Variants in CA10 observed in about 807,000 individuals in gnomAD.
CA10 encodes carbonic anhydrase-related protein 10.
A neutral mutation model predicts 44.2 loss-of-function variants in CA10; 14 were observed. The ratio of observed to expected loss-of-function variants is 0.32; its 90% confidence interval spans 0.21 to 0.50. The LOEUF (loss-of-function observed/expected upper bound fraction) is 0.50. CA10 is among the 20% of genes least tolerant of loss of function. CA10 has a pLI of 0.99. For synonymous variants in CA10, 159 were observed against 141.6 expected, an observed-to-expected ratio of 1.12 and a Z score of -0.87; for missense variants, 350 against 409.7, an observed-to-expected ratio of 0.85 and a Z score of 1.26.
At chr17:51,886,926 C>T (rs1270568601) in intron 3 of CA10, among the ~76,000 whole-genome samples, 1 of 151,846 alleles carries the variant, frequency 6.6e-6, no homozygotes, top group Non-Finnish European at 1.5e-5. Flanking sequence ...CACCCTGCTC[C>T]ATTCTCACGC....
At chr17:51,912,324 T>A (rs891377678) in intron 3 of CA10, among the ~76,000 whole-genome samples, 5 of 152,140 alleles carry the variant, frequency 3.3e-5, no homozygotes, top group African/African-American at 4.8e-5. Context: ...TTTTAAAATA[T>A]TAGCTCCAGT....
At chr17:52,141,576 A>T (rs1406634091) in intron 1 of CA10, among the ~76,000 whole-genome samples, 3 of 152,164 alleles carry the variant, frequency 2.0e-5, no homozygotes, top group Non-Finnish European at 4.4e-5. Context: ...GCAACTACTC[A>T]ATGCTGCTGC....
At chr17:51,657,406 C>A (rs1913835385) in intron 4 of CA10, among the ~76,000 whole-genome samples, 1 of 152,176 alleles carries the variant, frequency 6.6e-6, no homozygotes, top group Admixed American at 6.5e-5. Flanking sequence ...TGCCTTTGCT[C>A]TTCCCTAGCC....
intron 3 of CA10, among the ~76,000 whole-genome samples, chr17:51,819,034 T>C (rs1352354902): frequency 1.3e-5 from 2 of 152,080 alleles, no homozygotes; most frequent in African/African-American, 2.4e-5. Flanking sequence ...TGATGTATCA[T>C]CCTGAGGTCC....
intron 2 of CA10, among the ~76,000 whole-genome samples, chr17:51,966,865 G>A (rs1984096936): frequency 6.6e-6 from 1 of 151,706 alleles, no homozygotes. Context: ...TTGGCAAGCA[G>A]GACCTAATTA....
intron 1 of CA10, among the ~76,000 whole-genome samples, chr17:52,153,357 C>A (rs1372519388): frequency 6.6e-6 from 1 of 152,062 alleles, no homozygotes; most frequent in Non-Finnish European, 1.5e-5. Context: ...CTATTTCAAG[C>A]CATATTGAAA....
chr17:51,833,795 T>TCACA (rs1908373202), intron 3 of CA10, among the ~76,000 whole-genome samples: 1 of 152,240 alleles, frequency 6.6e-6, no homozygotes, highest in Admixed American at 6.5e-5. Context: ...GAGAAAATTA[T>TCACA]GGTAACACAG....
intron 3 of CA10, among the ~76,000 whole-genome samples, chr17:51,831,722 A>AGCGGCAGCGGCGGCAGCGGCAGCGGCG: frequency 6.9e-6 from 1 of 145,818 alleles, no homozygotes; most frequent in Admixed American, 6.8e-5. Flanking sequence ...CAGCAGCAGC[A>AGCGGCAGCGGCGGCAGCGGCAGCGGCG]GCAGCAGCAG....
Position 51,888,776 on chromosome 17 carries a change from G to C in CA10, c.279+42214C>G, listed in dbSNP as rs1239925190. Among the ~76,000 whole-genome samples, 8 of 152,272 alleles carry C rather than the reference G, an allele frequency of 5.3e-5. No homozygotes were observed. The East Asian group carries it at 1.4e-3, about 26-fold the overall frequency. On this transcript the variant is annotated intron_variant, in intron 3 of 8. Transcript: ENST00000451037. ...AAAAATAATCTTTGTAGTGTGTTCT[G>C]CTGTTCCCATTACCTATTGCTACAT... is the stretch of plus-strand genomic sequence containing the variant.
At chr17:52,038,753 C>T (rs1246688163) in intron 2 of CA10, among the ~76,000 whole-genome samples, 2 of 151,810 alleles carry the variant, frequency 1.3e-5, no homozygotes, top group East Asian at 3.9e-4. Flanking sequence ...AGTTATAGGA[C>T]TCCTGACTTC....
rs190314263 is a variant in CA10, at chr17:51,675,721, A to C, written c.466-21985T>G. ...AAAGAGCAAGGCTGCGTCTCAAAAA[A>C]AAAAACAAAAACAAAAAACACACAA... On this transcript the variant is annotated intron_variant, in intron 4 of 8. Coordinates refer to ENST00000451037, the MANE Select transcript of CA10 (RefSeq NM_020178.5). Among the ~76,000 whole-genome samples the C allele has an allele frequency of 2.9e-4, 44 of 152,198 alleles. 1 individual carries two copies. In the South Asian group the frequency reaches 6.6e-3, roughly 23 times the overall value.
intron 4 of CA10, among the ~76,000 whole-genome samples, chr17:51,726,486 GTTAA>G (rs1187487769): frequency 4.6e-5 from 7 of 152,170 alleles, no homozygotes; most frequent in South Asian, 2.1e-4. Context: ...TGATGTACGT[GTTAA>G]TTAGACTGAT....
intron 2 of CA10, among the ~76,000 whole-genome samples, chr17:52,007,104 G>C (rs1035364516): frequency 6.6e-6 from 1 of 151,310 alleles, no homozygotes; most frequent in Admixed American, 6.6e-5. Flanking sequence ...TTTTTATATT[G>C]ATCTGATGTG....
At chr17:52,151,325 A>G (rs1436008159) in intron 1 of CA10, among the ~76,000 whole-genome samples, 1 of 152,106 alleles carries the variant, frequency 6.6e-6, no homozygotes, top group African/African-American at 2.4e-5. Flanking sequence ...CTTCTTGTCT[A>G]TGAACATACT....
intron 3 of CA10, among the ~76,000 whole-genome samples, chr17:51,754,921 T>C (rs188177310): frequency 1.0e-3 from 159 of 152,146 alleles, no homozygotes; most frequent in African/African-American, 3.3e-3. Flanking sequence ...TGTGTATATA[T>C]ACATGCATAT....
intron 3 of CA10, among the ~76,000 whole-genome samples, chr17:51,923,163 A>G (rs1008279884): frequency 6.6e-6 from 1 of 152,214 alleles, no homozygotes; most frequent in African/African-American, 2.4e-5. Flanking sequence ...TAAATGGGTA[A>G]GGATACTTAT....
At chr17:51,992,968 A>C (rs1485794585) in intron 2 of CA10, among the ~76,000 whole-genome samples, 2 of 152,260 alleles carry the variant, frequency 1.3e-5, no homozygotes, top group East Asian at 1.9e-4. Flanking sequence ...ACTTGATGCT[A>C]AATACTGATA....
intron 3 of CA10, among the ~76,000 whole-genome samples, chr17:51,826,805 G>A (rs1908025029): frequency 6.6e-6 from 1 of 152,150 alleles, no homozygotes; most frequent in Non-Finnish European, 1.5e-5. Flanking sequence ...TCATTGGTCT[G>A]GCTATGTCCC....
At chr17:51,907,208 G>T (rs1981593863) in intron 3 of CA10, among the ~76,000 whole-genome samples, 1 of 152,048 alleles carries the variant, frequency 6.6e-6, no homozygotes, top group Admixed American at 6.6e-5. Flanking sequence ...CCTGTTTATG[G>T]AATGTGCCAA....
Sources: allele counts gnomAD v4.1 joint callset (sites outside exome capture counted in the v4.1 genomes callset), GRCh38; gene constraint gnomAD v4.1.1; transcripts MANE v1.5; gene names NCBI Gene and HGNC (gene_info 2026-07-23, HGNC 2026-07-21).